Variants in TPRG1 observed in about 807,000 individuals in gnomAD.
TPRG1 encodes tumor protein p63 regulated 1, also known as tumor protein p63-regulated gene 1 protein.
Under a neutral mutation model 29.3 loss-of-function variants are expected in TPRG1, and 29 were observed. That is an observed-to-expected ratio of 0.99 (90% CI 0.74 to 1.35). The LOEUF is 1.35. Ranked by LOEUF, TPRG1 falls within the 40% of genes most tolerant of loss-of-function variation. The probability of loss-of-function intolerance (pLI) is 0.00; values close to 1 mark genes in which losing one functional copy is unlikely to be tolerated. For synonymous variants in TPRG1, 130 were observed against 116.8 expected, an observed-to-expected ratio of 1.11 and a Z score of -0.73; for missense variants, 327 against 335.0, an observed-to-expected ratio of 0.98 and a Z score of 0.19.
rs779899781 is a variant in TPRG1 at position 189,207,491 on chromosome 3, C to T, written c.107C>T (p.Pro36Leu). 1.5e-5 allele frequency: 25 copies of T among 1,613,866 alleles called. No individual in the cohort carries two copies. Among genetic ancestry groups the T allele is most frequent in the African/African-American group, 2.7e-5 (2 of 74,882 alleles). The change falls in exon 2 of 6, where the codon CCG (proline) becomes CTG (leucine). Residue 36 changes from proline to leucine, a missense_variant. Physicochemically the swap from Pro to Leu is moderately conservative, Grantham distance 98. Transcript: ENST00000345063. ...CACCTATCGATGGAGGAAGAGGACC[C>T]GATGCCAAGACAGATTTCAAGGCAG... Reference protein sequence around the residue: ...TDHLSMEEEDPMPRQISRQSS... With the variant: ...TDHLSMEEEDLMPRQISRQSS...
chr3:189,122,590 G>A lies in TPRG1; in HGVS notation c.-743-4467G>A, dbSNP rs558765895. Among the ~76,000 whole-genome samples, 115 of 152,330 alleles carry A rather than the reference G, an allele frequency of 7.5e-4. No individual in the cohort carries two copies. In the Middle Eastern group the frequency reaches 0.017, roughly 23 times the overall value. On this transcript the variant is annotated intron_variant, in intron 1 of 6. Coordinates refer to the TPRG1 transcript ENST00000412373. ...GGTTAAAAGATCTTAGTTAGTTTGAGCTAGAAGAAAACTTACAGATCATCT... is the reference window on the plus strand; with the variant it reads ...GGTTAAAAGATCTTAGTTAGTTTGAACTAGAAGAAAACTTACAGATCATCT...
chr3:189,224,935 T>TC (rs1737488998), intron 3 of TPRG1, among the ~76,000 whole-genome samples: 1 of 148,464 alleles, frequency 6.7e-6, no homozygotes, highest in African/African-American at 2.5e-5. Flanking sequence ...CTTTTTCTTT[T>TC]TTTTTTTTTT....
chr3:189,192,386 G>C (rs1319709511), intron 1 of TPRG1, among the ~76,000 whole-genome samples: 1 of 152,066 alleles, frequency 6.6e-6, no homozygotes, highest in Admixed American at 6.6e-5. Flanking sequence ...TGCTCTACTT[G>C]GTGCTAAGGA....
At chr3:189,249,705 TTGTAAG>T (rs1203690321) in intron 4 of TPRG1, among the ~76,000 whole-genome samples, 1 of 152,086 alleles carries the variant, frequency 6.6e-6, no homozygotes, top group Non-Finnish European at 1.5e-5. Context: ...CTACTAGTGA[TTGTAAG>T]TGTAACTTAA....
At position 189,220,848 on chromosome 3, in the gene TPRG1, G is replaced by A. The variant is rs539873472; in HGVS notation, c.302+5465G>A. On this transcript the variant is annotated intron_variant, in intron 3 of 5. Transcript: ENST00000345063. ...TTTCTTTATCCAGTCTAGTATTAAT[G>A]GACATTTAGGTTGATTCTATCTCTT... Among the ~76,000 whole-genome samples the A allele has an allele frequency of 8.5e-5, 13 of 152,220 alleles. No homozygotes were observed. The East Asian group carries it at 2.3e-3, about 27-fold the overall frequency.
chr3:189,176,901 T>C (rs947218551), intron 1 of TPRG1, among the ~76,000 whole-genome samples: 1 of 152,246 alleles, frequency 6.6e-6, no homozygotes, highest in African/African-American at 2.4e-5. Context: ...GCTTTGACTT[T>C]CACTCTGATT....
At chr3:189,295,757 C>A (rs902951768) in intron 4 of TPRG1, among the ~76,000 whole-genome samples, 1 of 152,074 alleles carries the variant, frequency 6.6e-6, no homozygotes, top group Non-Finnish European at 1.5e-5. Flanking sequence ...TAATTAAAGA[C>A]CGTGCTCAAA....
chr3:189,058,649 A>T, intron 4 of TPRG1, among the ~76,000 whole-genome samples: 1 of 152,218 alleles, frequency 6.6e-6, no homozygotes, highest in East Asian at 1.9e-4. Context: ...TGTTTTAAGA[A>T]AAATAATTGT....
chr3:189,306,014 G>C (rs1001875934), intron 4 of TPRG1, among the ~76,000 whole-genome samples: 2 of 152,206 alleles, frequency 1.3e-5, no homozygotes, highest in Non-Finnish European at 2.9e-5. Flanking sequence ...TCTGAAATGA[G>C]ACTTGCAAGT....
chr3:189,292,369 A>T (rs1398975297), intron 4 of TPRG1, among the ~76,000 whole-genome samples: 1 of 148,068 alleles, frequency 6.8e-6, no homozygotes, highest in African/African-American at 2.5e-5. Context: ...TAAAAATAGT[A>T]ATTACATTAG....
chr3:189,042,622 C>T (rs906554147), intron 4 of TPRG1, among the ~76,000 whole-genome samples: 12 of 151,810 alleles, frequency 7.9e-5, no homozygotes, highest in Non-Finnish European at 1.5e-4. Flanking sequence ...GCTCACCAAC[C>T]CAGGTCTTCT....
At position 189,199,710 on chromosome 3, in the gene TPRG1, G is replaced by A. The variant is rs554913187; in HGVS notation, c.-9-7666G>A. On this transcript the variant is annotated intron_variant, in intron 1 of 5. Transcript: ENST00000345063. ...AAAAAAATTAGCTGGGTTTGGTGGC[G>A]GACACCTGTAATCCCAGCTACTCAG... is the stretch of plus-strand genomic sequence containing the variant. 2.8e-4 allele frequency among the ~76,000 whole-genome samples: 42 copies of A among 152,048 alleles called. No homozygotes were observed. The South Asian group carries it at 3.1e-3, about 11-fold the overall frequency.
chr3:189,144,493 A>G (rs1354664487), intron 3 of TPRG1, among the ~76,000 whole-genome samples: 1 of 152,226 alleles, frequency 6.6e-6, no homozygotes, highest in African/African-American at 2.4e-5. Flanking sequence ...GCATTAAAAT[A>G]TAACTGGGGG....
At chr3:189,094,240 G>A (rs1718527860) in intron 4 of TPRG1, among the ~76,000 whole-genome samples, 1 of 152,120 alleles carries the variant, frequency 6.6e-6, no homozygotes, top group Admixed American at 6.6e-5. Context: ...AAGTGGAAAG[G>A]GGGCCTCACT....
chr3:189,180,864 G>T (rs1206572740), intron 1 of TPRG1, among the ~76,000 whole-genome samples: 1 of 152,170 alleles, frequency 6.6e-6, no homozygotes, highest in African/African-American at 2.4e-5. Context: ...TGCCTTAGAG[G>T]AGTTTCTCCA....
chr3:189,178,020 A>T (rs887269754), intron 1 of TPRG1, among the ~76,000 whole-genome samples: 1 of 152,184 alleles, frequency 6.6e-6, no homozygotes, highest in Non-Finnish European at 1.5e-5. Flanking sequence ...GATGGTACAG[A>T]TGCTGCTGAG....
chr3:189,280,142 T>C (rs1490655566), intron 4 of TPRG1, among the ~76,000 whole-genome samples: 1 of 152,126 alleles, frequency 6.6e-6, no homozygotes, highest in Non-Finnish European at 1.5e-5. Flanking sequence ...TCAGCACCTG[T>C]TGTTTAGCCC....
At chr3:189,084,780 T>TA (rs1717825172) in intron 4 of TPRG1, among the ~76,000 whole-genome samples, 1 of 152,154 alleles carries the variant, frequency 6.6e-6, no homozygotes. Flanking sequence ...GCCCATTATC[T>TA]GACATCATGC....
chr3:189,317,877 T>C (rs1723796645), intron 5 of TPRG1, among the ~76,000 whole-genome samples: 1 of 152,100 alleles, frequency 6.6e-6, no homozygotes, highest in African/African-American at 2.4e-5. Flanking sequence ...GAGAGGAGGG[T>C]TGAGGCATGG....
Sources: allele counts gnomAD v4.1 joint callset (sites outside exome capture counted in the v4.1 genomes callset), GRCh38; gene constraint gnomAD v4.1.1; transcripts MANE v1.5; gene names NCBI Gene and HGNC (gene_info 2026-07-23, HGNC 2026-07-21).